SLC9A9: variants seen among roughly 807,000 people sequenced by gnomAD.
SLC9A9 encodes sodium/hydrogen exchanger 9.
In SLC9A9, 62 loss-of-function variants were observed where a neutral mutation model predicts 77.8. That is an observed-to-expected ratio of 0.80 (90% CI 0.65 to 0.98). SLC9A9 has a LOEUF of 0.98. Among genes scored for constraint, SLC9A9 ranks in the 50% least tolerant of loss-of-function variants. The pLI is 0.00. For synonymous variants in SLC9A9, 320 were observed against 283.5 expected, an observed-to-expected ratio of 1.13 and a Z score of -1.29; for missense variants, 775 against 774.9, an observed-to-expected ratio of 1.00 and a Z score of 0.00.
chr3:143,718,834 T>C (rs964467805), intron 4 of SLC9A9, among the ~76,000 whole-genome samples: 2 of 152,170 alleles, frequency 1.3e-5, no homozygotes, highest in African/African-American at 4.8e-5. Context: ...GAGGTGACAA[T>C]TGAATATAAG....
At position 143,702,635 on chromosome 3, in the gene SLC9A9, AAG is replaced by A. The variant is rs532716778; in HGVS notation, c.534-9330_534-9329del. 1.8e-3 allele frequency among the ~76,000 whole-genome samples: 277 copies of A among 152,228 alleles called. 2 individuals are homozygous for A. The highest frequency in any genetic ancestry group is 6.5e-3 in the African/African-American group (270 of 41,566). ...AGAGAACATCACCTTCATTAAGAGGAAGAGAGGAAGAACGAAAGAAGAGAAGA... is the reference window on the plus strand; with the variant it reads ...AGAGAACATCACCTTCATTAAGAGGAAGAGGAAGAACGAAAGAAGAGAAGA... On this transcript the variant is annotated intron_variant, in intron 4 of 15. Transcript: ENST00000316549.
At chr3:143,650,072 G>C (rs1026993405) in intron 6 of SLC9A9, among the ~76,000 whole-genome samples, 1 of 152,304 alleles carries the variant, frequency 6.6e-6, no homozygotes, top group Non-Finnish European at 1.5e-5. Context: ...AGGAAGAGTT[G>C]AAAGACTTGA....
At chr3:143,658,662 C>CA (rs1453206335) in intron 5 of SLC9A9, among the ~76,000 whole-genome samples, 1 of 152,152 alleles carries the variant, frequency 6.6e-6, no homozygotes, top group Non-Finnish European at 1.5e-5. Context: ...ATCCCACCTC[C>CA]ATCCCTTTGA....
At chr3:143,631,617 C>T (rs2038423352) in intron 6 of SLC9A9, among the ~76,000 whole-genome samples, 2 of 152,028 alleles carry the variant, frequency 1.3e-5, no homozygotes, top group Admixed American at 1.3e-4. Context: ...AGCCACTGTT[C>T]AAACTCAATA....
At chr3:143,824,696 T>A (rs2009254713) in intron 2 of SLC9A9, among the ~76,000 whole-genome samples, 1 of 152,178 alleles carries the variant, frequency 6.6e-6, no homozygotes, top group Non-Finnish European at 1.5e-5. Flanking sequence ...AATAAATAAA[T>A]ATTTTTTGAA....
chr3:143,628,605 A>G (rs148952428), intron 6 of SLC9A9, among the ~76,000 whole-genome samples: 1 of 152,326 alleles, frequency 6.6e-6, no homozygotes, highest in Non-Finnish European at 1.5e-5. Context: ...TCTGTATTAT[A>G]AACACTCACT....
At chr3:143,404,600 T>A (rs1216991641) in intron 12 of SLC9A9, among the ~76,000 whole-genome samples, 1 of 152,188 alleles carries the variant, frequency 6.6e-6, no homozygotes, top group African/African-American at 2.4e-5. Context: ...CATACTCTTT[T>A]TTCCCCCTCT....
At chr3:143,288,260 T>TAA (rs1261939983) in intron 14 of SLC9A9, among the ~76,000 whole-genome samples, 1 of 145,282 alleles carries the variant, frequency 6.9e-6, no homozygotes, top group Non-Finnish European at 1.5e-5. Context: ...CTCCAGTTAT[T>TAA]AAAAAAAAAA....
chr3:143,718,731 T>C (rs558430255), intron 4 of SLC9A9, among the ~76,000 whole-genome samples: 6 of 152,342 alleles, frequency 3.9e-5, no homozygotes, highest in African/African-American at 1.2e-4. Context: ...GCAGGCAGTA[T>C]CTCGTGTATT....
At chr3:143,537,381 C>T (rs568484664) in intron 9 of SLC9A9, among the ~76,000 whole-genome samples, 12 of 152,176 alleles carry the variant, frequency 7.9e-5, no homozygotes, top group South Asian at 2.1e-4. Context: ...CCTGGAGCTG[C>T]CCATCCCTCA....
chr3:143,740,150 C>T (rs1935041751), intron 4 of SLC9A9, among the ~76,000 whole-genome samples: 1 of 152,038 alleles, frequency 6.6e-6, no homozygotes, highest in African/African-American at 2.4e-5. Flanking sequence ...TGAGAAGTAG[C>T]AAAGTTATGG....
intron 6 of SLC9A9, among the ~76,000 whole-genome samples, chr3:143,605,334 C>G (rs778271681): frequency 4.6e-5 from 7 of 152,090 alleles, no homozygotes; most frequent in Non-Finnish European, 7.3e-5. Flanking sequence ...CAGAAGTTGC[C>G]AACTCAGGTG....
chr3:143,778,778 A>G (rs2007778651), intron 4 of SLC9A9, among the ~76,000 whole-genome samples: 1 of 152,206 alleles, frequency 6.6e-6, no homozygotes, highest in African/African-American at 2.4e-5. Context: ...TAACCAAGCT[A>G]AACTGCACAC....
intron 2 of SLC9A9, among the ~76,000 whole-genome samples, chr3:143,820,151 G>A (rs958531285): frequency 4.6e-5 from 7 of 152,210 alleles, no homozygotes; most frequent in African/African-American, 1.7e-4. Flanking sequence ...TGAAGCATAG[G>A]ATGGTTAATT....
chr3:143,733,351 A>G (rs557834341), intron 4 of SLC9A9, among the ~76,000 whole-genome samples: 1 of 152,196 alleles, frequency 6.6e-6, no homozygotes, highest in East Asian at 1.9e-4. Context: ...AGGGGAGAAG[A>G]AATGGGGGTA....
chr3:143,381,934 G>A, intron 13 of SLC9A9, 126 bp downstream of exon 13: 1 of 1,079,862 alleles, frequency 9.3e-7, no homozygotes, highest in South Asian at 1.3e-5. Context: ...AATCTCATTT[G>A]TTTTATCAGC....
chr3:143,454,895 G>A (rs1011410225), intron 12 of SLC9A9, among the ~76,000 whole-genome samples: 3 of 152,168 alleles, frequency 2.0e-5, no homozygotes, highest in African/African-American at 4.8e-5. Flanking sequence ...CCATGATGGC[G>A]CATCAAATCC....
chr3:143,638,919 A>G (rs2038574392), intron 6 of SLC9A9, among the ~76,000 whole-genome samples: 1 of 152,242 alleles, frequency 6.6e-6, no homozygotes, highest in Non-Finnish European at 1.5e-5. Context: ...TATATTCTCC[A>G]GGCCAAGAGA....
chr3:143,328,593 C>T (rs373707688), intron 14 of SLC9A9, among the ~76,000 whole-genome samples: 139 of 152,306 alleles, frequency 9.1e-4, no homozygotes, highest in African/African-American at 3.2e-3. Flanking sequence ...GCAATGCCAT[C>T]CCCTTTATCA....
Sources: gnomAD v4.1 joint callset for allele counts (sites outside exome capture counted in the v4.1 genomes callset) on GRCh38, gnomAD v4.1.1 for gene constraint, MANE v1.5 for transcripts, NCBI Gene and HGNC (gene_info 2026-07-23, HGNC 2026-07-21) for gene names.